The following DYNC1I1 variants were observed in gnomAD, a reference collection of about 807,000 sequenced individuals.
The protein encoded by DYNC1I1 is dynein cytoplasmic 1 intermediate chain 1.
Under a neutral mutation model 86.6 loss-of-function variants are expected in DYNC1I1, and 43 were observed. The observed-to-expected ratio is 0.50, with a 90% confidence interval of 0.39 to 0.64. DYNC1I1 has a LOEUF of 0.64. DYNC1I1 is among the 30% of genes least tolerant of loss of function. The pLI, the probability that DYNC1I1 is intolerant of heterozygous loss-of-function variation, is 0.00. For synonymous variants in DYNC1I1, 262 were observed against 283.7 expected (o/e 0.92, Z 0.77); for missense variants, 604 against 788.8 (o/e 0.77, Z 2.81).
chr7:95,993,547 T>C (rs2115740669), intron 9 of DYNC1I1, among the ~76,000 whole-genome samples: 1 of 152,330 alleles, frequency 6.6e-6, no homozygotes, highest in Non-Finnish European at 1.5e-5. Flanking sequence ...TGGATGTTAG[T>C]TTCTTTGAAT....
rs1793810415 is a variant in DYNC1I1 at position 95,994,518 on chromosome 7, A to G, written c.844-1430A>G. 1.3e-5 allele frequency among the ~76,000 whole-genome samples: 2 copies of G among 152,166 alleles called. 1 individual carries two copies. Among genetic ancestry groups the G allele is most frequent in the Admixed American group, 1.3e-4 (2 of 15,272 alleles). ...ACAACACCAAAGGGTCATCCCAGTG[A>G]GAGTGAGTATGAGACTCATAGGTAC... On this transcript the variant is annotated intron_variant, in intron 9 of 16. Transcript: ENST00000447467.
At chr7:95,906,873 G>A (rs977795702) in intron 6 of DYNC1I1, among the ~76,000 whole-genome samples, 19 of 152,146 alleles carry the variant, frequency 1.2e-4, no homozygotes, top group Non-Finnish European at 2.5e-4. Flanking sequence ...TTGCTTGCAA[G>A]TGGCTGATTC....
intron 6 of DYNC1I1, among the ~76,000 whole-genome samples, chr7:95,889,267 G>A (rs944110889): frequency 6.6e-6 from 1 of 152,078 alleles, no homozygotes; most frequent in African/African-American, 2.4e-5. Context: ...AAAATTAGAA[G>A]GTGATTACTC....
chr7:96,035,595 T>C lies in DYNC1I1; in HGVS notation c.1231-24T>C, dbSNP rs762415929. Reference sequence around the variant, plus strand: ...ATGGCAAGGAGTTGACAGATGGAAATGTAACCACACCGTGTTTTGGTAGGA... The same window carrying C: ...ATGGCAAGGAGTTGACAGATGGAAACGTAACCACACCGTGTTTTGGTAGGA... On this transcript the variant is annotated intron_variant, in intron 12 of 16. Coordinates refer to ENST00000447467, the MANE Select transcript of DYNC1I1 (RefSeq NM_001135556.2). 38 of 1,558,134 alleles carry C rather than the reference T, an allele frequency of 2.4e-5. No homozygotes were observed. The East Asian group carries it at 8.6e-4, about 35-fold the overall frequency.
intron 5 of DYNC1I1, among the ~76,000 whole-genome samples, chr7:95,869,226 A>C (rs1161102446): frequency 6.6e-6 from 1 of 152,158 alleles, no homozygotes; most frequent in Non-Finnish European, 1.5e-5. Flanking sequence ...AGTGCTACAT[A>C]AATATTCAGA....
At position 95,813,200 on chromosome 7, in the gene DYNC1I1, G is replaced by A. The variant is rs774456903; in HGVS notation, c.224-47G>A. 6.2e-6 allele frequency: 10 copies of A among 1,610,660 alleles called. No individual in the cohort carries two copies. In the East Asian group the frequency reaches 1.1e-4, roughly 18 times the overall value. The stretch of plus-strand genomic sequence containing the variant: ...TCTGACACTGCTCTTCACCAGTGCA[G>A]CCGCTGCATTTTTTAACATGGGATA... On this transcript the variant is annotated intron_variant, in intron 3 of 16. Coordinates refer to ENST00000447467, the MANE Select transcript of DYNC1I1 (RefSeq NM_001135556.2).
chr7:96,043,541 A>AAT (rs1789120398), intron 14 of DYNC1I1, among the ~76,000 whole-genome samples: 1 of 151,642 alleles, frequency 6.6e-6, no homozygotes, highest in African/African-American at 2.4e-5. Flanking sequence ...AATGTATTAA[A>AAT]AAAAAAAAAA....
chr7:95,989,936 G>A (rs1354847302), intron 9 of DYNC1I1, among the ~76,000 whole-genome samples: 2 of 152,106 alleles, frequency 1.3e-5, no homozygotes, highest in Non-Finnish European at 2.9e-5. Flanking sequence ...AGATGCAATC[G>A]AATGATATTA....
At chr7:96,057,487 A>G (rs1789613057) in intron 14 of DYNC1I1, among the ~76,000 whole-genome samples, 1 of 152,200 alleles carries the variant, frequency 6.6e-6, no homozygotes, top group African/African-American at 2.4e-5. Context: ...CTGTCCACCT[A>G]TTCTTACATA....
chr7:96,036,570 C>G (rs1282354966), intron 13 of DYNC1I1, among the ~76,000 whole-genome samples: 2 of 152,188 alleles, frequency 1.3e-5, no homozygotes, highest in African/African-American at 4.8e-5. Flanking sequence ...TTTTCTCTTA[C>G]TACATTATTT....
intron 5 of DYNC1I1, among the ~76,000 whole-genome samples, chr7:95,862,988 T>C (rs1442945316): frequency 6.6e-6 from 1 of 152,206 alleles, no homozygotes; most frequent in Non-Finnish European, 1.5e-5. Flanking sequence ...TGTGATATTG[T>C]TTATCTTTGA....
At chr7:95,832,302 C>G (rs1788931102) in intron 5 of DYNC1I1, among the ~76,000 whole-genome samples, 2 of 149,278 alleles carry the variant, frequency 1.3e-5, no homozygotes, top group South Asian at 4.3e-4. Flanking sequence ...ATGAACTCAT[C>G]ATTTTTTATG....
At chr7:95,902,360 A>G (rs1473852602) in intron 6 of DYNC1I1, among the ~76,000 whole-genome samples, 3 of 152,132 alleles carry the variant, frequency 2.0e-5, no homozygotes, top group South Asian at 4.1e-4. Flanking sequence ...TGTGAATGCC[A>G]TTATGTTTAT....
At chr7:95,819,930 C>T (rs1157376840) in intron 4 of DYNC1I1, among the ~76,000 whole-genome samples, 1 of 152,164 alleles carries the variant, frequency 6.6e-6, no homozygotes, top group Non-Finnish European at 1.5e-5. Context: ...GGTAGCTGAG[C>T]TTTCTTCTAG....
chr7:95,810,260 A>C, intron 2 of DYNC1I1, 132 bp from the exon 3 acceptor site: 1 of 558,386 alleles, frequency 1.8e-6, no homozygotes, highest in East Asian at 3.2e-5. Flanking sequence ...TTCATCCTTT[A>C]TACATGTGAT....
chr7:95,862,916 T>C (rs529873776), intron 5 of DYNC1I1, among the ~76,000 whole-genome samples: 1 of 152,348 alleles, frequency 6.6e-6, no homozygotes, highest in East Asian at 1.9e-4. Flanking sequence ...TAATACCTAA[T>C]ACAATGTAAA....
At chr7:95,808,608 C>T (rs1794756955) in intron 2 of DYNC1I1, among the ~76,000 whole-genome samples, 1 of 152,144 alleles carries the variant, frequency 6.6e-6, no homozygotes, top group South Asian at 2.1e-4. Flanking sequence ...TGGCTTCCTG[C>T]CGAATTGCTG....
intron 16 of DYNC1I1, among the ~76,000 whole-genome samples, chr7:96,082,470 A>C (rs555313807): frequency 6.6e-6 from 1 of 152,110 alleles, no homozygotes; most frequent in African/African-American, 2.4e-5. Context: ...CATACACATA[A>C]CGTCCCTTAA....
chr7:95,843,054 A>G (rs1016324208), intron 5 of DYNC1I1, among the ~76,000 whole-genome samples: 1 of 152,218 alleles, frequency 6.6e-6, no homozygotes, highest in Non-Finnish European at 1.5e-5. Flanking sequence ...AATTCCTGCT[A>G]CTGAAGCAAG....
Sources: gnomAD v4.1 joint callset for allele counts (sites outside exome capture counted in the v4.1 genomes callset) on GRCh38, gnomAD v4.1.1 for gene constraint, MANE v1.5 for transcripts, NCBI Gene and HGNC (gene_info 2026-07-23, HGNC 2026-07-21) for gene names.